Variants in MKLN1 observed in about 807,000 individuals in gnomAD.
The protein encoded by MKLN1 is muskelin.
A neutral mutation model predicts 99.0 loss-of-function variants in MKLN1; 18 were observed. That is an observed-to-expected ratio of 0.18 (90% CI 0.13 to 0.27). MKLN1 has a LOEUF of 0.27. Ranked by LOEUF, MKLN1 falls within the 10% of genes least tolerant of loss-of-function variation. MKLN1 has a pLI of 1.00. For missense variants in MKLN1, 621 were observed against 875.9 expected (o/e 0.71, Z 3.67); for synonymous variants, 288 against 293.2 (o/e 0.98, Z 0.18).
chr7:131,360,166 T>C (rs978328299), intron 1 of MKLN1, among the ~76,000 whole-genome samples: 4 of 152,220 alleles, frequency 2.6e-5, no homozygotes, highest in Admixed American at 2.6e-4. Context: ...TTCCATTTCT[T>C]TATATTCACC....
intron 16 of MKLN1, among the ~76,000 whole-genome samples, chr7:131,476,499 CT>C (rs1252054884): frequency 6.6e-6 from 1 of 152,000 alleles, no homozygotes; most frequent in African/African-American, 2.4e-5. Flanking sequence ...AATTTTTATA[CT>C]AGCAGTGAAC....
chr7:131,365,330 T>A (rs1361517397), intron 1 of MKLN1, among the ~76,000 whole-genome samples: 1 of 152,220 alleles, frequency 6.6e-6, no homozygotes, highest in Non-Finnish European at 1.5e-5. Flanking sequence ...AAGTTCCTTA[T>A]AGATGCTGTA....
intron 14 of MKLN1, among the ~76,000 whole-genome samples, chr7:131,465,788 C>T (rs1170019501): frequency 1.3e-5 from 2 of 152,182 alleles, no homozygotes; most frequent in Non-Finnish European, 1.5e-5. Context: ...ATCCGCCTGC[C>T]TCGGCCTCCC....
At chr7:131,227,248 G>A (rs1353879601) in intron 3 of MKLN1, among the ~76,000 whole-genome samples, 11 of 152,120 alleles carry the variant, frequency 7.2e-5, no homozygotes, top group African/African-American at 2.4e-5. Flanking sequence ...TTGCCTCTGG[G>A]CACAACCGGA....
chr7:131,303,246 C>T (rs1307398537), intron 3 of MKLN1, among the ~76,000 whole-genome samples: 3 of 152,192 alleles, frequency 2.0e-5, no homozygotes, highest in Non-Finnish European at 2.9e-5. Flanking sequence ...AATAGGAAAA[C>T]GGATGAATTC....
intron 1 of MKLN1, among the ~76,000 whole-genome samples, chr7:131,134,253 C>A (rs1328856006): frequency 6.6e-6 from 1 of 152,184 alleles, no homozygotes. Context: ...TCTCATGTCT[C>A]TTTCCTTGCA....
intron 3 of MKLN1, among the ~76,000 whole-genome samples, chr7:131,243,499 A>C (rs1373108080): frequency 2.0e-5 from 3 of 152,086 alleles, no homozygotes; most frequent in Non-Finnish European, 4.4e-5. Flanking sequence ...ATAATCCTAA[A>C]CCTATTCTCA....
chr7:131,383,186 A>T (rs947471990), intron 2 of MKLN1, among the ~76,000 whole-genome samples: 4 of 152,180 alleles, frequency 2.6e-5, no homozygotes, highest in African/African-American at 4.8e-5. Context: ...AACAGAGTCC[A>T]AATTTCTTAA....
chr7:131,376,298 C>T (rs1584669832), intron 2 of MKLN1, among the ~76,000 whole-genome samples: 1 of 144,938 alleles, frequency 6.9e-6, no homozygotes, highest in Admixed American at 7.0e-5. Context: ...CGAGGCTAGG[C>T]GTTCGAGGCT....
At chr7:131,308,673 T>A (rs955434284) in intron 3 of MKLN1, among the ~76,000 whole-genome samples, 1 of 151,192 alleles carries the variant, frequency 6.6e-6, no homozygotes, top group Non-Finnish European at 1.5e-5. Flanking sequence ...GCAACGTCCA[T>A]CTCCCAGGTT....
intron 1 of MKLN1, among the ~76,000 whole-genome samples, chr7:131,345,439 T>A (rs1248238149): frequency 6.6e-6 from 1 of 152,244 alleles, no homozygotes; most frequent in African/African-American, 2.4e-5. Flanking sequence ...ATTCTCAAAC[T>A]GTAGTAACAG....
At chr7:131,145,285 A>T (rs1395411213) in intron 2 of MKLN1, among the ~76,000 whole-genome samples, 2 of 152,200 alleles carry the variant, frequency 1.3e-5, no homozygotes, top group Non-Finnish European at 2.9e-5. Flanking sequence ...AAGATCCTCG[A>T]ATTGTACAGG....
intron 16 of MKLN1, among the ~76,000 whole-genome samples, chr7:131,474,645 T>C (rs974498278): frequency 6.6e-6 from 1 of 152,116 alleles, no homozygotes. Context: ...CCCAAATAAG[T>C]AGGAAATAAG....
At chr7:131,432,506 GTTAA>G (rs1795554002) in intron 9 of MKLN1, among the ~76,000 whole-genome samples, 1 of 152,136 alleles carries the variant, frequency 6.6e-6, no homozygotes, top group African/African-American at 2.4e-5. Context: ...ATTTATTATA[GTTAA>G]TTAATAGACT....
chr7:131,135,487 G>T (rs899725265), intron 1 of MKLN1, among the ~76,000 whole-genome samples: 4 of 152,180 alleles, frequency 2.6e-5, no homozygotes, highest in Admixed American at 2.6e-4. Context: ...TTAAGGCAAT[G>T]GACTGGATTG....
At chr7:131,286,813 G>T (rs1231242163) in intron 3 of MKLN1, among the ~76,000 whole-genome samples, 1 of 152,190 alleles carries the variant, frequency 6.6e-6, no homozygotes, top group East Asian at 1.9e-4. Context: ...GTCCCAAAAG[G>T]AGCCCCAATG....
intron 12 of MKLN1, among the ~76,000 whole-genome samples, chr7:131,459,538 T>G (rs1796452315): frequency 6.6e-6 from 1 of 152,166 alleles, no homozygotes; most frequent in South Asian, 2.1e-4. Context: ...CCAGTGTTCT[T>G]TAGTTCAAAG....
chr7:131,191,072 G>A (rs1451314189), intron 2 of MKLN1, among the ~76,000 whole-genome samples: 1 of 152,214 alleles, frequency 6.6e-6, no homozygotes, highest in East Asian at 1.9e-4. Flanking sequence ...GCCATAGATA[G>A]CAGGTCTTCA....
intron 3 of MKLN1, among the ~76,000 whole-genome samples, chr7:131,218,082 T>C (rs1797010129): frequency 6.6e-6 from 1 of 152,118 alleles, no homozygotes; most frequent in South Asian, 2.1e-4. Flanking sequence ...GATGAAATCA[T>C]AGGGGCTTGA....
Sources: gnomAD v4.1 joint callset for allele counts (sites outside exome capture counted in the v4.1 genomes callset) on GRCh38, gnomAD v4.1.1 for gene constraint, MANE v1.5 for transcripts, NCBI Gene and HGNC (gene_info 2026-07-23, HGNC 2026-07-21) for gene names.